The following GABRR2 variants were observed in gnomAD, a reference collection of about 807,000 sequenced individuals.
The protein encoded by GABRR2 is gamma-aminobutyric acid type A receptor subunit rho2.
A neutral mutation model predicts 47.0 loss-of-function variants in GABRR2; 36 were observed. The ratio of observed to expected loss-of-function variants is 0.77; its 90% CI spans 0.59 to 1.01. The LOEUF is 1.01. GABRR2 is among the 50% of genes least tolerant of loss of function. The probability of loss-of-function intolerance (pLI) is 0.00; values close to 1 mark genes in which losing one functional copy is unlikely to be tolerated. For missense variants in GABRR2, 587 were observed against 594.6 expected, an observed-to-expected ratio of 0.99 and a Z score of 0.13; for synonymous variants, 204 against 227.5, an observed-to-expected ratio of 0.90 and a Z score of 0.93.
intron 2 of GABRR2, among the ~76,000 whole-genome samples, chr6:89,286,091 T>G (rs1774331699): frequency 6.6e-6 from 1 of 152,166 alleles, no homozygotes; most frequent in Non-Finnish European, 1.5e-5. Flanking sequence ...CTGACCCGAA[T>G]CCTATGGCCT....
intron 2 of GABRR2, among the ~76,000 whole-genome samples, chr6:89,280,251 T>C (rs867363769): frequency 0.068 from 6,985 of 102,902 alleles, 336 homozygotes; most frequent in African/African-American, 0.11. Context: ...TATATATATA[T>C]ATACATACAT....
intron 8 of GABRR2, 58 bp from the exon 9 acceptor site, chr6:89,258,039 G>A: frequency 2.0e-6 from 3 of 1,507,686 alleles, no homozygotes; most frequent in Non-Finnish European, 2.7e-6. Flanking sequence ...CAGAGGAGGG[G>A]GCCTGGCCCA....
chr6:89,288,856 C>T (rs1774386998), intron 2 of GABRR2, among the ~76,000 whole-genome samples: 1 of 152,158 alleles, frequency 6.6e-6, no homozygotes, highest in African/African-American at 2.4e-5. Context: ...CTGTGTTGCC[C>T]AGGCTGGTTT....
chr6:89,302,681 C>A, intron 1 of GABRR2: 1 of 1,306,374 alleles, frequency 7.7e-7, no homozygotes. Flanking sequence ...GCGACCGGCA[C>A]CACGGCTGCT....
chr6:89,290,618 G>A lies in GABRR2; in HGVS notation c.220+9141C>T, dbSNP rs117857891. On this transcript the variant is annotated intron_variant, in intron 2 of 8. Coordinates refer to ENST00000402938, the MANE Select transcript of GABRR2 (RefSeq NM_002043.5). ...ACACTCTGAGCCGGGTGTGGGGCCC[G>A]AGCAGGGCCCCTCTTGCCTGGGTCT... Among the ~76,000 whole-genome samples, 11 of 152,354 alleles carry A rather than the reference G, an allele frequency of 7.2e-5. No individual in the cohort carries two copies. In the East Asian group the frequency reaches 1.7e-3, roughly 24 times the overall value.
chr6:89,287,161 C>CT (rs1413452094), intron 2 of GABRR2, among the ~76,000 whole-genome samples: 13 of 152,178 alleles, frequency 8.5e-5, no homozygotes, highest in African/African-American at 3.1e-4. Flanking sequence ...GATCCTGTGA[C>CT]TTGTAGTCCA....
At chr6:89,267,929 G>A (rs1773942372) in intron 5 of GABRR2, 85 bp downstream of exon 5, 8 of 1,565,890 alleles carry the variant, frequency 5.1e-6, no homozygotes, top group Non-Finnish European at 6.2e-6. Context: ...AACGCTGGCG[G>A]GCAGTGCTCA....
intron 2 of GABRR2, among the ~76,000 whole-genome samples, chr6:89,276,958 A>G (rs1429236234): frequency 2.0e-5 from 3 of 152,218 alleles, no homozygotes; most frequent in Non-Finnish European, 2.9e-5. Flanking sequence ...ACTATGAAAC[A>G]TTATTGAGAG....
intron 2 of GABRR2, among the ~76,000 whole-genome samples, chr6:89,291,797 T>C (rs1480874789): frequency 6.6e-6 from 1 of 152,202 alleles, no homozygotes; most frequent in Non-Finnish European, 1.5e-5. Flanking sequence ...TTGAGAACAA[T>C]ATTTCATTTC....
intron 3 of GABRR2, among the ~76,000 whole-genome samples, chr6:89,270,101 TC>T: frequency 6.6e-6 from 1 of 152,332 alleles, no homozygotes; most frequent in South Asian, 2.1e-4. Context: ...CCTAGACTGA[TC>T]CTGGCTCCCA....
At chr6:89,273,677 T>C (rs930554725) in intron 2 of GABRR2, among the ~76,000 whole-genome samples, 1 of 152,206 alleles carries the variant, frequency 6.6e-6, no homozygotes, top group African/African-American at 2.4e-5. Flanking sequence ...AAGGAGGGTG[T>C]GTGGGCAGCC....
intron 8 of GABRR2, among the ~76,000 whole-genome samples, chr6:89,260,228 G>T (rs1227650434): frequency 6.6e-6 from 1 of 152,112 alleles, no homozygotes; most frequent in African/African-American, 2.4e-5. Context: ...TTTGCATTTA[G>T]ATATAATCAC....
At chr6:89,303,553 A>AC (rs1251206185) in intron 1 of GABRR2, among the ~76,000 whole-genome samples, 1 of 151,950 alleles carries the variant, frequency 6.6e-6, no homozygotes, top group Non-Finnish European at 1.5e-5. Context: ...CTATCAAACT[A>AC]CCAGAGATAT....
chr6:89,309,389 C>G (rs1401696551), intron 1 of GABRR2, among the ~76,000 whole-genome samples: 1 of 152,076 alleles, frequency 6.6e-6, no homozygotes, highest in Non-Finnish European at 1.5e-5. Flanking sequence ...AGCTTCTCCC[C>G]CTTTCATGGC....
chr6:89,298,020 G>A (rs1774586799), intron 2 of GABRR2, among the ~76,000 whole-genome samples: 1 of 152,214 alleles, frequency 6.6e-6, no homozygotes, highest in Non-Finnish European at 1.5e-5. Flanking sequence ...TTTTAAAGCT[G>A]CTTATTAGTA....
At chr6:89,265,873 G>T in intron 6 of GABRR2, 108 bp from the exon 7 acceptor site, 2 of 1,107,766 alleles carry the variant, frequency 1.8e-6, no homozygotes, top group Non-Finnish European at 2.6e-6. Context: ...GCAACAGAAA[G>T]TTGAAATTAA....
rs764032952 is a variant in GABRR2, at chr6:89,315,110, T to C, written c.56A>G (p.Glu19Gly). The change falls in exon 1 of 9, where the codon GAG becomes GGG. Residue 19 changes from glutamate (E) to glycine (G), a missense_variant. Glu to Gly is a moderately conservative substitution (Grantham distance 98, BLOSUM62 -2). Transcript: ENST00000402938. ...LFLFCLMVLVESRKPKRKRWT... is the reference protein window; with the variant it reads ...LFLFCLMVLVGSRKPKRKRWT... ...TCGCTTCCTCTTGGGTTTTCTGCTCTCCACGAGAACCATCAAGCAAAACAA... is the reference window on the plus strand; with the variant it reads ...TCGCTTCCTCTTGGGTTTTCTGCTCCCCACGAGAACCATCAAGCAAAACAA... 25 of 1,613,918 alleles carry C rather than the reference T, an allele frequency of 1.5e-5. No homozygotes were observed. The South Asian group carries it at 2.6e-4, about 17-fold the overall frequency.
chr6:89,303,155 C>T (rs6900958), intron 1 of GABRR2: 120,563 of 434,484 alleles, frequency 0.28, 17,542 homozygotes, highest in East Asian at 0.37. Flanking sequence ...GGCGCCGGTG[C>T]CAAGGCCAGC....
intron 2 of GABRR2, among the ~76,000 whole-genome samples, chr6:89,282,973 A>G (rs1390098322): frequency 6.6e-6 from 1 of 152,224 alleles, no homozygotes; most frequent in Non-Finnish European, 1.5e-5. Flanking sequence ...ACACGTGGTC[A>G]CACTCACTAG....
Sources: allele counts gnomAD v4.1 joint callset (sites outside exome capture counted in the v4.1 genomes callset), GRCh38; gene constraint gnomAD v4.1.1; transcripts MANE v1.5; gene names NCBI Gene and HGNC (gene_info 2026-07-23, HGNC 2026-07-21).